MCPH1: variants seen among roughly 807,000 people sequenced by gnomAD.
MCPH1 encodes microcephalin.
A neutral mutation model predicts 84.5 loss-of-function variants in MCPH1; 104 were observed. That is an observed-to-expected ratio of 1.23 (90% CI 1.05 to 1.45). MCPH1 has a LOEUF of 1.45. Among genes scored for constraint, MCPH1 ranks in the 40% most tolerant of loss-of-function variants. The pLI is 0.00. For missense variants in MCPH1, 1,498 were observed against 1,005.7 expected (o/e 1.49, Z -6.62); for synonymous variants, 514 against 366.8 (o/e 1.40, Z -4.58).
In MCPH1 at chr8:6,499,886, C is replaced by T; in HGVS notation, c.2171C>T (p.Ser724Phe). 6.2e-7 allele frequency: 1 copy of T among 1,613,530 alleles called. No homozygotes were observed. Among genetic ancestry groups the T allele is most frequent in the Non-Finnish European group, 8.5e-7 (1 of 1,179,996 alleles). ...LWSLELGHWI[S>F]EEPFELSHHF... is the part of the protein sequence containing the mutation. ...TCTTTAGAATTGGGTCACTGGATTT[C>T]TGAGGAGCCGTTCGAACTGTCTCAC... The change falls in exon 12 of 14, where the codon TCT (serine) becomes TTT (phenylalanine). Residue 724 changes from serine to phenylalanine, a missense_variant. Ser to Phe is a radical substitution (Grantham distance 155, BLOSUM62 -2). Transcript: ENST00000344683.
chr8:6,510,689 A>G (rs955498421), intron 12 of MCPH1, among the ~76,000 whole-genome samples: 2 of 152,300 alleles, frequency 1.3e-5, no homozygotes, highest in East Asian at 3.9e-4. Context: ...AGATGCAGCA[A>G]ATGCCTCTGC....
chr8:6,622,521 C>A (rs531847044), intron 13 of MCPH1, among the ~76,000 whole-genome samples: 150 of 152,330 alleles, frequency 9.8e-4, no homozygotes, highest in African/African-American at 3.5e-3. Context: ...AAATCCCACA[C>A]CCTCCTCCAT....
chr8:6,419,680 A>G (rs557494648), intron 3 of MCPH1, among the ~76,000 whole-genome samples: 4 of 151,698 alleles, frequency 2.6e-5, no homozygotes, highest in South Asian at 4.2e-4. Flanking sequence ...ACCCGGCATT[A>G]AAGAATTTTT....
intron 13 of MCPH1, chr8:6,625,364 C>T: frequency 1.0e-6 from 1 of 985,452 alleles, no homozygotes; most frequent in Non-Finnish European, 1.2e-6. Context: ...ATCCCTGCCC[C>T]TTCGACAAAG....
rs1283699147 is a variant in MCPH1, at chr8:6,447,175, A to G, written c.1825+1628A>G. ...GCTAGCCTAAATCGAACCCTTTTAT[A>G]GTAATAAAGATTCATCAATGTTTTA... is the stretch of plus-strand genomic sequence containing the variant. On this transcript the variant is annotated intron_variant, in intron 8 of 13. Coordinates refer to ENST00000344683, the MANE Select transcript of MCPH1 (RefSeq NM_024596.5). 9 of 985,316 alleles carry G rather than the reference A, an allele frequency of 9.1e-6. No homozygotes were observed. The East Asian group carries it at 3.4e-4, about 37-fold the overall frequency. 61.0% of individuals were successfully genotyped at this position (985,316 alleles called of 1,614,324 possible). A position where few individuals can be genotyped will look rare whatever the true frequency, so the allele number is the denominator to read the frequency against.
intron 2 of MCPH1, among the ~76,000 whole-genome samples, chr8:6,414,309 T>C (rs1481133657): frequency 6.6e-6 from 1 of 152,224 alleles, no homozygotes; most frequent in Non-Finnish European, 1.5e-5. Flanking sequence ...TGCCCAGCCA[T>C]GGATACAGTA....
chr8:6,407,937 T>C (rs1797974766), intron 1 of MCPH1, among the ~76,000 whole-genome samples: 1 of 152,188 alleles, frequency 6.6e-6, no homozygotes, highest in African/African-American at 2.4e-5. Flanking sequence ...TCTCCATAAA[T>C]AAAGTTTTAT....
In MCPH1 at chr8:6,450,860, A is replaced by G. The variant is rs145042744; in HGVS notation, c.1826-4283A>G. On this transcript the variant is annotated intron_variant, in intron 8 of 13. Transcript: ENST00000344683. ...TGGGCTCAAGTGATCCTCCCACCTCAGCATCCTGAGTAGCTGGGACTACAG... is the reference window on the plus strand; with the variant it reads ...TGGGCTCAAGTGATCCTCCCACCTCGGCATCCTGAGTAGCTGGGACTACAG... Among the ~76,000 whole-genome samples, 183 of 152,146 alleles carry G rather than the reference A, an allele frequency of 1.2e-3. 3 individuals are homozygous for G. In the East Asian group the frequency reaches 0.03, roughly 25 times the overall value.
chr8:6,553,664 A>T (rs1272657928), intron 12 of MCPH1, among the ~76,000 whole-genome samples: 3 of 145,474 alleles, frequency 2.1e-5, no homozygotes, highest in African/African-American at 8.5e-5. Context: ...ATGGTCTCAA[A>T]ATTTTTTTTT....
intron 12 of MCPH1, among the ~76,000 whole-genome samples, chr8:6,543,826 A>G (rs553972510): frequency 6.6e-6 from 1 of 152,296 alleles, no homozygotes; most frequent in South Asian, 2.1e-4. Flanking sequence ...TACATAATTT[A>G]AACCCCCTGT....
chr8:6,623,728 T>G, intron 13 of MCPH1, among the ~76,000 whole-genome samples: 1 of 146,072 alleles, frequency 6.8e-6, no homozygotes, highest in African/African-American at 2.6e-5. Flanking sequence ...ACTATTGATT[T>G]TAGTCACAGT....
At chr8:6,565,825 C>T (rs1277583717) in intron 12 of MCPH1, among the ~76,000 whole-genome samples, 2 of 152,160 alleles carry the variant, frequency 1.3e-5, no homozygotes, top group Non-Finnish European at 2.9e-5. Context: ...GTGATGCTTC[C>T]GGGTGCACAA....
intron 12 of MCPH1, among the ~76,000 whole-genome samples, chr8:6,505,297 A>AGAGTTGTTATG (rs1563305776): frequency 1.2e-4 from 9 of 74,282 alleles, no homozygotes; most frequent in African/African-American, 6.5e-4. Flanking sequence ...TTATATACAT[A>AGAGTTGTTATG]TATATGTATA....
At chr8:6,484,060 G>C (rs1305027639) in intron 11 of MCPH1, among the ~76,000 whole-genome samples, 1 of 152,122 alleles carries the variant, frequency 6.6e-6, no homozygotes, top group Non-Finnish European at 1.5e-5. Context: ...ATGAATAACA[G>C]AAAACATAGA....
At position 6,584,666 on chromosome 8, in the gene MCPH1, C is replaced by T. The variant is rs947058546; in HGVS notation, c.2215-36788C>T. Among the ~76,000 whole-genome samples the T allele has an allele frequency of 3.9e-5, 6 of 152,132 alleles. No individual in the cohort carries two copies. In the East Asian group the frequency reaches 7.7e-4, roughly 20 times the overall value. On this transcript the variant is annotated intron_variant, in intron 12 of 13. Transcript: ENST00000344683. ...TCGCTACACGTCACTTAATCTTTTCCAAAATTTGACAATATACAAAGCAGT... is the reference window on the plus strand; with the variant it reads ...TCGCTACACGTCACTTAATCTTTTCTAAAATTTGACAATATACAAAGCAGT...
chr8:6,446,253 C>G, intron 8 of MCPH1: 1 of 977,208 alleles, frequency 1.0e-6, no homozygotes, highest in Non-Finnish European at 1.2e-6. Flanking sequence ...GTTATAAGCA[C>G]AAATAGGTTC....
At chr8:6,434,171 G>A (rs1314751865) in intron 4 of MCPH1, among the ~76,000 whole-genome samples, 1 of 152,120 alleles carries the variant, frequency 6.6e-6, no homozygotes, top group Non-Finnish European at 1.5e-5. Context: ...GTAGTAATGT[G>A]GGCAGTTTGA....
At chr8:6,430,907 A>T (rs963922513) in intron 3 of MCPH1, among the ~76,000 whole-genome samples, 1 of 152,206 alleles carries the variant, frequency 6.6e-6, no homozygotes, top group African/African-American at 2.4e-5. Context: ...ACAGAATGCT[A>T]AGAAGGAGAT....
intron 10 of MCPH1, among the ~76,000 whole-genome samples, chr8:6,479,355 C>T (rs1021709761): frequency 2.0e-5 from 3 of 151,692 alleles, no homozygotes; most frequent in Admixed American, 6.6e-5. Flanking sequence ...TAACCTCTTC[C>T]CCTTTGTAAT....
Sources: gnomAD v4.1 joint callset for allele counts (sites outside exome capture counted in the v4.1 genomes callset) on GRCh38, gnomAD v4.1.1 for gene constraint, MANE v1.5 for transcripts, NCBI Gene and HGNC (gene_info 2026-07-23, HGNC 2026-07-21) for gene names.